Variants in MCPH1 observed in about 807,000 individuals in gnomAD.
MCPH1 encodes microcephalin.
Under a neutral mutation model 84.5 loss-of-function variants are expected in MCPH1, and 104 were observed. The observed-to-expected ratio is 1.23, with a 90% CI of 1.05 to 1.45. The LOEUF (loss-of-function observed/expected upper bound fraction) is 1.45. Among genes scored for constraint, MCPH1 ranks in the 40% most tolerant of loss-of-function variants. The pLI is 0.00. For missense variants in MCPH1, 1,498 were observed against 1,005.7 expected (o/e 1.49, Z -6.62); for synonymous variants, 514 against 366.8 (o/e 1.40, Z -4.58).
intron 13 of MCPH1, chr8:6,625,043 T>G (rs529086403): frequency 2.0e-6 from 1 of 509,360 alleles, no homozygotes; most frequent in Admixed American, 6.4e-5. Context: ...CCCAGGTAAT[T>G]TTTGTATTTT....
intron 12 of MCPH1, among the ~76,000 whole-genome samples, chr8:6,536,292 G>A (rs1318092530): frequency 6.6e-6 from 1 of 152,048 alleles, no homozygotes; most frequent in Non-Finnish European, 1.5e-5. Context: ...TCGCTGTGTC[G>A]GGATCCCAGG....
At chr8:6,624,304 G>T (rs1412595417) in intron 13 of MCPH1, among the ~76,000 whole-genome samples, 1 of 152,226 alleles carries the variant, frequency 6.6e-6, no homozygotes, top group East Asian at 1.9e-4. Context: ...TATGCCATCT[G>T]CCTGTGCCCT....
intron 12 of MCPH1, among the ~76,000 whole-genome samples, chr8:6,558,016 T>G (rs959339674): frequency 1.3e-5 from 2 of 152,150 alleles, no homozygotes; most frequent in African/African-American, 2.4e-5. Context: ...TGTCTCTGTC[T>G]CTCCTGCCCC....
At chr8:6,558,905 G>A (rs1051277604) in intron 12 of MCPH1, among the ~76,000 whole-genome samples, 6 of 151,188 alleles carry the variant, frequency 4.0e-5, no homozygotes, top group East Asian at 3.9e-4. Context: ...TATACATATC[G>A]CATAAGAGAT....
At chr8:6,537,527 T>A (rs1563087511) in intron 12 of MCPH1, among the ~76,000 whole-genome samples, 1 of 148,146 alleles carries the variant, frequency 6.8e-6, no homozygotes, top group Non-Finnish European at 1.5e-5. Flanking sequence ...GCAACCAGGA[T>A]GAAATATTTT....
intron 12 of MCPH1, among the ~76,000 whole-genome samples, chr8:6,610,369 G>C (rs1293433385): frequency 6.6e-6 from 1 of 152,232 alleles, no homozygotes; most frequent in Admixed American, 6.5e-5. Context: ...ATCAAGCCAT[G>C]TTGTTGGCTA....
intron 12 of MCPH1, among the ~76,000 whole-genome samples, chr8:6,519,187 G>A (rs77510996): frequency 0.088 from 13,421 of 152,218 alleles, 1,056 homozygotes; most frequent in African/African-American, 0.2. Context: ...CTTCCCCAGC[G>A]GTTCTCATGG....
intron 2 of MCPH1, among the ~76,000 whole-genome samples, chr8:6,411,754 T>C (rs948012717): frequency 1.3e-5 from 2 of 152,166 alleles, no homozygotes; most frequent in Non-Finnish European, 2.9e-5. Context: ...TGTATATGTA[T>C]GTATAGGAAA....
chr8:6,442,905 G>C (rs1013586766), intron 7 of MCPH1, among the ~76,000 whole-genome samples: 2 of 152,176 alleles, frequency 1.3e-5, no homozygotes, highest in Non-Finnish European at 2.9e-5. Flanking sequence ...TCAGCGCAGG[G>C]TTAATCCTTG....
chr8:6,443,665 A>G (rs2916752), intron 7 of MCPH1, among the ~76,000 whole-genome samples: 2,243 of 152,308 alleles, frequency 0.015, 50 homozygotes, highest in African/African-American at 0.051. Flanking sequence ...ATGATGCATG[A>G]TGGTGTGTAG....
intron 12 of MCPH1, among the ~76,000 whole-genome samples, chr8:6,608,912 C>T (rs1024776364): frequency 2.0e-5 from 3 of 152,124 alleles, no homozygotes; most frequent in African/African-American, 7.2e-5. Context: ...GGGTGGGGCC[C>T]CTAAAACAAC....
rs148487003 is a variant in MCPH1 at position 6,513,455 on chromosome 8, C to G, written c.2214+13526C>G. Reference sequence around the variant, plus strand: ...TCACGCCATTCTTCTGCCTCAGCCTCCCGAGTAGCTGGGACTACAGGCGCC... The same window carrying G: ...TCACGCCATTCTTCTGCCTCAGCCTGCCGAGTAGCTGGGACTACAGGCGCC... On this transcript the variant is annotated intron_variant, in intron 12 of 13. Transcript: ENST00000344683. Among the ~76,000 whole-genome samples the G allele has an allele frequency of 9.3e-3, 1,413 of 151,968 alleles. 22 individuals are homozygous for G. The highest frequency in any genetic ancestry group is 0.033 in the African/African-American group (1,351 of 41,420).
intron 3 of MCPH1, among the ~76,000 whole-genome samples, chr8:6,418,597 T>G (rs1052992517): frequency 1.3e-5 from 2 of 152,210 alleles, no homozygotes; most frequent in African/African-American, 4.8e-5. Context: ...TATCATTTTT[T>G]TTTTGAGACG....
chr8:6,450,425 C>CGTG (rs1563228512), intron 8 of MCPH1, among the ~76,000 whole-genome samples: 1 of 151,190 alleles, frequency 6.6e-6, no homozygotes, highest in African/African-American at 2.4e-5. Flanking sequence ...ACCAGACCAT[C>CGTG]GTGTATCCTT....
intron 12 of MCPH1, among the ~76,000 whole-genome samples, chr8:6,512,111 C>A (rs1352060034): frequency 6.6e-6 from 1 of 152,074 alleles, no homozygotes; most frequent in Non-Finnish European, 1.5e-5. Flanking sequence ...AGAGCCTGAT[C>A]TTTCCATAAT....
At chr8:6,521,216 G>C in intron 12 of MCPH1, 2 of 1,613,866 alleles carry the variant, frequency 1.2e-6, no homozygotes, top group Non-Finnish European at 1.7e-6. Flanking sequence ...GTTATTAACT[G>C]TCTCCATGAG....
chr8:6,625,844 G>T (rs187927089), intron 13 of MCPH1: 6 of 985,398 alleles, frequency 6.1e-6, no homozygotes, highest in Non-Finnish European at 7.2e-6. Context: ...TATCTTAACA[G>T]TCTTGTTTTG....
rs575374757 is a variant in MCPH1 at position 6,622,379 on chromosome 8, G to T, written c.2452+688G>T. Among the ~76,000 whole-genome samples, 8 of 152,304 alleles carry T rather than the reference G, an allele frequency of 5.3e-5. No individual in the cohort carries two copies. In the East Asian group the frequency reaches 1.5e-3, roughly 29 times the overall value. On this transcript the variant is annotated intron_variant, in intron 13 of 13. Coordinates refer to ENST00000344683, the MANE Select transcript of MCPH1 (RefSeq NM_024596.5). ...CTTGCAGGTGATCCCCGGAGAAGAGGGTTAAGGAAGAGTGTGAAGCAAGGA... is the reference window on the plus strand; with the variant it reads ...CTTGCAGGTGATCCCCGGAGAAGAGTGTTAAGGAAGAGTGTGAAGCAAGGA...
At chr8:6,626,718 G>A (rs1051683964) in intron 13 of MCPH1, 3 of 985,220 alleles carry the variant, frequency 3.0e-6, no homozygotes, top group Non-Finnish European at 3.6e-6. Flanking sequence ...GGGGTCTGAA[G>A]GAACTTGGCT....
Sources: allele counts gnomAD v4.1 joint callset (sites outside exome capture counted in the v4.1 genomes callset), GRCh38; gene constraint gnomAD v4.1.1; transcripts MANE v1.5; gene names NCBI Gene and HGNC (gene_info 2026-07-23, HGNC 2026-07-21).